Variants in CREBBP observed in about 807,000 individuals in gnomAD.
The protein encoded by CREBBP is CREB-binding protein.
CREBBP carries 19 observed loss-of-function variants against 265.0 expected under a neutral mutation model. That is an observed-to-expected ratio of 0.07 (90% CI 0.05 to 0.11). The LOEUF is 0.11. Among genes scored for constraint, CREBBP ranks in the 10% least tolerant of loss-of-function variants. The pLI is 1.00. For missense variants in CREBBP, 2,525 were observed against 3,219.0 expected, an observed-to-expected ratio of 0.78 and a Z score of 5.22; for synonymous variants, 1,457 against 1,223.7, an observed-to-expected ratio of 1.19 and a Z score of -3.98.
chr16:3,831,423 A>T (rs1261926896), intron 2 of CREBBP, among the ~76,000 whole-genome samples: 1 of 152,204 alleles, frequency 6.6e-6, no homozygotes, highest in Non-Finnish European at 1.5e-5. Context: ...GAAATAAAAA[A>T]GATGCATAGG....
Position 3,727,269 on chromosome 16 carries a change from T to G in CREBBP, c.*449A>C, listed in dbSNP as rs2051768485. 1 of 265,644 alleles carries G rather than the reference T, an allele frequency of 3.8e-6. No homozygotes were observed. The allele number at this position is 265,644 out of a possible 1,614,324, so 16.5% of individuals were successfully genotyped here. A position where few individuals can be genotyped will look rare whatever the true frequency, so the allele number is the denominator to read the frequency against. On this transcript the variant is annotated 3_prime_UTR_variant, in exon 31 of 31. Transcript: ENST00000262367. ...ACATCACAAAGTTATCGGGATACAT[T>G]ATAAGCTTGCATTATTTCAGGAATC... is the stretch of plus-strand genomic sequence containing the variant.
At chr16:3,785,557 T>G (rs115253262) in intron 5 of CREBBP, among the ~76,000 whole-genome samples, 1,857 of 152,336 alleles carry the variant, frequency 0.012, 39 homozygotes, top group African/African-American at 0.042. Context: ...TAACCTGCTG[T>G]GCAGAGTCCA....
At chr16:3,852,163 T>TG (rs1217112645) in intron 1 of CREBBP, among the ~76,000 whole-genome samples, 14 of 107,082 alleles carry the variant, frequency 1.3e-4, no homozygotes, top group Admixed American at 2.7e-4. Context: ...ATTTGTTTTT[T>TG]TTTTTTTTTT....
intron 1 of CREBBP, among the ~76,000 whole-genome samples, chr16:3,870,852 T>G (rs574510847): frequency 6.6e-6 from 1 of 152,044 alleles, no homozygotes; most frequent in South Asian, 2.1e-4. Context: ...ACCAAGATAA[T>G]CAAAGTAAGC....
intron 5 of CREBBP, among the ~76,000 whole-genome samples, chr16:3,789,043 C>T (rs2053450216): frequency 6.6e-6 from 1 of 152,216 alleles, no homozygotes; most frequent in Non-Finnish European, 1.5e-5. Context: ...AGATTAGCGC[C>T]ACAGGTGATT....
intron 1 of CREBBP, among the ~76,000 whole-genome samples, chr16:3,851,306 T>TAAAAAAA (rs1160251196): frequency 5.0e-4 from 38 of 76,402 alleles, no homozygotes; most frequent in East Asian, 1.0e-3. Context: ...AAAAAAAAAT[T>TAAAAAAA]AAAAAAAAAA....
intron 19 of CREBBP, among the ~76,000 whole-genome samples, chr16:3,756,360 T>C (rs2052586228): frequency 6.6e-6 from 1 of 152,252 alleles, no homozygotes; most frequent in Non-Finnish European, 1.5e-5. Flanking sequence ...CATGGACACT[T>C]ACACGCTGCG....
chr16:3,784,025 T>C (rs1258211163), intron 5 of CREBBP, among the ~76,000 whole-genome samples: 1 of 152,224 alleles, frequency 6.6e-6, no homozygotes, highest in African/African-American at 2.4e-5. Context: ...TATGATACCA[T>C]TTATTCCTAT....
chr16:3,749,395 T>C (rs2052422542), intron 21 of CREBBP, among the ~76,000 whole-genome samples: 1 of 152,176 alleles, frequency 6.6e-6, no homozygotes, highest in Non-Finnish European at 1.5e-5. Context: ...AACTAAAACA[T>C]CCATTTAATC....
At chr16:3,766,266 A>G (rs1378992170) in intron 16 of CREBBP, among the ~76,000 whole-genome samples, 1 of 152,210 alleles carries the variant, frequency 6.6e-6, no homozygotes, top group Non-Finnish European at 1.5e-5. Context: ...CACTGGCTGA[A>G]TTTTGGTATA....
At chr16:3,812,698 C>T (rs932732925) in intron 2 of CREBBP, among the ~76,000 whole-genome samples, 19 of 152,106 alleles carry the variant, frequency 1.2e-4, no homozygotes, top group Admixed American at 9.2e-4. Context: ...ATGGCAATAT[C>T]CCAGTGCTTA....
intron 2 of CREBBP, among the ~76,000 whole-genome samples, chr16:3,822,042 A>C (rs974748526): frequency 6.6e-6 from 1 of 151,906 alleles, no homozygotes; most frequent in Non-Finnish European, 1.5e-5. Flanking sequence ...GTAACACAGC[A>C]AGACTCTGTC....
intron 1 of CREBBP, among the ~76,000 whole-genome samples, chr16:3,868,762 C>T (rs1011821160): frequency 1.4e-4 from 21 of 152,150 alleles, no homozygotes; most frequent in Admixed American, 6.5e-4. Flanking sequence ...GTGGGCACCA[C>T]GGGACTGCTC....
Position 3,849,440 on chromosome 16 carries a change from T to TGTG in CREBBP, c.798+854_798+856dup, listed in dbSNP as rs1567360436. Among the ~76,000 whole-genome samples the TGTG allele has an allele frequency of 8.7e-3, 130 of 14,872 alleles. 4 individuals carry two copies. Among genetic ancestry groups the TGTG allele is most frequent in the East Asian group, 0.034 (5 of 146 alleles). 9.8% of individuals were successfully genotyped at this position (14,872 alleles called of 152,430 possible). On this transcript the variant is annotated intron_variant, in intron 2 of 30. Coordinates refer to ENST00000262367, the MANE Select transcript of CREBBP (RefSeq NM_004380.3). Reference sequence around the variant, plus strand: ...GTGTGTGTGTGTGTGTGTGTGTGTGTGTGTGTGTGTGTGTGTGTGTGTGTG... The same window carrying TGTG: ...GTGTGTGTGTGTGTGTGTGTGTGTGTGTGGTGTGTGTGTGTGTGTGTGTGTGTG...
At chr16:3,738,009 A>G (rs1221967788) in intron 26 of CREBBP, among the ~76,000 whole-genome samples, 1 of 151,922 alleles carries the variant, frequency 6.6e-6, no homozygotes, top group Non-Finnish European at 1.5e-5. Flanking sequence ...GCTGGTCTCA[A>G]ACTCCTGACC....
intron 8 of CREBBP, among the ~76,000 whole-genome samples, 183 bp downstream of exon 8, chr16:3,780,549 C>A (rs551757673): frequency 3.3e-5 from 5 of 152,176 alleles, no homozygotes; most frequent in Non-Finnish European, 5.9e-5. Context: ...CCCCGCTCAC[C>A]GAGGACATAG....
At chr16:3,806,609 G>C (rs1473186801) in intron 3 of CREBBP, among the ~76,000 whole-genome samples, 1 of 152,144 alleles carries the variant, frequency 6.6e-6, no homozygotes, top group African/African-American at 2.4e-5. Flanking sequence ...GAAAATGTCA[G>C]AAAGCCCAAT....
At chr16:3,826,140 G>A (rs939784378) in intron 2 of CREBBP, among the ~76,000 whole-genome samples, 1 of 152,122 alleles carries the variant, frequency 6.6e-6, no homozygotes, top group Non-Finnish European at 1.5e-5. Context: ...TTGTGCCCCA[G>A]AGGCAAAGGC....
chr16:3,821,734 A>T (rs1035226637), intron 2 of CREBBP, among the ~76,000 whole-genome samples: 16 of 152,224 alleles, frequency 1.1e-4, no homozygotes, highest in African/African-American at 3.9e-4. Flanking sequence ...TTTATTCTAT[A>T]AAGACTGAAT....
Sources: gnomAD v4.1 joint callset for allele counts (sites outside exome capture counted in the v4.1 genomes callset) on GRCh38, gnomAD v4.1.1 for gene constraint, MANE v1.5 for transcripts, NCBI Gene and HGNC (gene_info 2026-07-23, HGNC 2026-07-21) for gene names.